Variants in ASH1L observed in about 807,000 individuals in gnomAD.
ASH1L encodes the protein ASH1 like histone lysine methyltransferase, also known as histone-lysine N-methyltransferase ASH1L.
In ASH1L, 23 loss-of-function variants were observed where a neutral mutation model predicts 269.0. That is an observed-to-expected ratio of 0.09 (90% CI 0.06 to 0.12). The LOEUF is 0.12. ASH1L is among the 10% of genes least tolerant of loss of function. ASH1L has a pLI of 1.00. For synonymous variants in ASH1L, 1,187 were observed against 1,253.5 expected (o/e 0.95, Z 1.12); for missense variants, 2,912 against 3,567.8 (o/e 0.82, Z 4.68).
At chr1:155,415,984 G>T in intron 5 of ASH1L, 61 bp from the exon 6 acceptor site, 6 of 1,286,014 alleles carry the variant, frequency 4.7e-6, no homozygotes, top group Admixed American at 2.9e-5. Context: ...ACAAATAATT[G>T]TCTACTTAAA....
At chr1:155,530,323 G>A (rs755095783) in intron 1 of ASH1L, among the ~76,000 whole-genome samples, 4 of 152,144 alleles carry the variant, frequency 2.6e-5, no homozygotes, top group Non-Finnish European at 5.9e-5. Context: ...TTGGTTCACT[G>A]CTATATCCCA....
chr1:155,534,104 G>A (rs1169778125), intron 1 of ASH1L, among the ~76,000 whole-genome samples: 1 of 150,136 alleles, frequency 6.7e-6, no homozygotes, highest in Non-Finnish European at 1.5e-5. Context: ...GAGCCCAGAA[G>A]GTCAAGGCTA....
chr1:155,369,701 A>C (rs1189963496), intron 12 of ASH1L, among the ~76,000 whole-genome samples: 1 of 152,188 alleles, frequency 6.6e-6, no homozygotes, highest in Non-Finnish European at 1.5e-5. Context: ...GAGTGGCTGA[A>C]TGAACTGATA....
intron 2 of ASH1L, among the ~76,000 whole-genome samples, chr1:155,488,485 C>T (rs1013326240): frequency 5.9e-5 from 8 of 135,936 alleles, no homozygotes; most frequent in African/African-American, 1.4e-4. Flanking sequence ...TGGTGAAACT[C>T]GCCTATACTA....
intron 25 of ASH1L, among the ~76,000 whole-genome samples, chr1:155,341,358 A>T (rs1652789387): frequency 6.6e-6 from 1 of 151,964 alleles, no homozygotes; most frequent in Non-Finnish European, 1.5e-5. Context: ...TTGTATTTTT[A>T]GTAGAGAGGG....
intron 1 of ASH1L, among the ~76,000 whole-genome samples, chr1:155,544,961 T>A (rs866276780): frequency 2.0e-5 from 3 of 150,854 alleles, no homozygotes; most frequent in Admixed American, 6.6e-5. Context: ...TCACCTGAGG[T>A]CGGGAGTTCG....
At chr1:155,351,215 A>C (rs1358773498) in intron 17 of ASH1L, among the ~76,000 whole-genome samples, 1 of 151,130 alleles carries the variant, frequency 6.6e-6, no homozygotes, top group Non-Finnish European at 1.5e-5. Flanking sequence ...ACTGCACTCC[A>C]GCCTGGGCAA....
chr1:155,496,266 T>C (rs970898063), intron 2 of ASH1L, among the ~76,000 whole-genome samples: 1 of 152,226 alleles, frequency 6.6e-6, no homozygotes, highest in African/African-American at 2.4e-5. Context: ...GTCAGGATCA[T>C]CAAGACATCA....
rs2362362 is a variant in ASH1L at position 155,459,910 on chromosome 1, G to C, written c.4985-12C>G. ...GGTTGGCTGGGAGCCTGGAGAAAGA[G>C]AAAAAGATAGAAATCATAGGAAAAT... On this transcript the variant is annotated splice_polypyrimidine_tract_variant and intron_variant, in intron 3 of 27. Coordinates refer to ENST00000392403, the MANE Select transcript of ASH1L (RefSeq NM_018489.3). 4 of 1,545,806 alleles carry C rather than the reference G, an allele frequency of 2.6e-6. No individual in the cohort carries two copies. In the East Asian group the frequency reaches 6.9e-5, roughly 27 times the overall value.
intron 13 of ASH1L, among the ~76,000 whole-genome samples, chr1:155,359,477 A>C (rs970185576): frequency 2.6e-5 from 4 of 151,938 alleles, no homozygotes; most frequent in Non-Finnish European, 5.9e-5. Context: ...GGGTTTCACT[A>C]TATTGGTCAG....
At chr1:155,500,518 G>A (rs1173196768) in intron 2 of ASH1L, among the ~76,000 whole-genome samples, 2 of 152,012 alleles carry the variant, frequency 1.3e-5, no homozygotes, top group East Asian at 3.9e-4. Context: ...AAACGCAGCA[G>A]TCAAATAATG....
At position 155,535,647 on chromosome 1, in the gene ASH1L, T is replaced by TA. The variant is rs767295479; in HGVS notation, c.-99-14030dup. The stretch of plus-strand genomic sequence containing the variant: ...GGCAACAGGGCAAGACCCCATCTCT[T>TA]AAAAAAAAAAAAAAAAAGTATAAAT... On this transcript the variant is annotated intron_variant, in intron 1 of 27. Transcript: ENST00000392403. Among the ~76,000 whole-genome samples, 1,049 of 131,518 alleles carry TA rather than the reference T, an allele frequency of 8.0e-3. 4 individuals are homozygous for TA. Among genetic ancestry groups the TA allele is most frequent in the African/African-American group, 0.017 (610 of 35,944 alleles). The allele number at this position is 131,518 out of a possible 152,430, so 86.3% of individuals were successfully genotyped here. A position where few individuals can be genotyped will look rare whatever the true frequency, so the allele number is the denominator to read the frequency against.
intron 25 of ASH1L, among the ~76,000 whole-genome samples, chr1:155,340,330 A>C (rs1431977321): frequency 1.3e-5 from 2 of 151,978 alleles, no homozygotes; most frequent in Non-Finnish European, 2.9e-5. Flanking sequence ...TTACAGGTGC[A>C]TGCCACCATG....
In ASH1L at chr1:155,478,684, T is replaced by A. The variant is rs532774270; in HGVS notation, c.4186A>T (p.Ile1396Leu). ...TACCTTCCATAGTAACCTAATCCTA[T>A]GGGAGCAGCTGTAAGGGGTGAAGGA... ...YSPSPLTAAP[I>L]GLGYYGRYPP... Residue 1396 changes from isoleucine to leucine, a missense_variant, in exon 3 of 28, where the codon ATA (isoleucine) becomes TTA (leucine). Ile to Leu is a conservative substitution (Grantham distance 5). Around this residue, in one of 13 missense-constraint regions of ASH1L, gnomAD observed 789 missense variants for 897.6 expected, o/e 0.88. Transcript: ENST00000392403. This position sits in a 1 kb window ranked among gnomAD's most constrained non-coding sequence, Gnocchi z 4.6. 3.1e-6 allele frequency: 5 copies of A among 1,613,964 alleles called. No homozygotes were observed. The South Asian group carries it at 5.5e-5, about 18-fold the overall frequency.
chr1:155,345,725 C>T (rs1277260258), intron 21 of ASH1L, among the ~76,000 whole-genome samples: 1 of 151,238 alleles, frequency 6.6e-6, no homozygotes, highest in Non-Finnish European at 1.5e-5. Flanking sequence ...CAGGCACCTG[C>T]CACTGTGCCT....
At chr1:155,551,558 G>A (rs1415902004) in intron 1 of ASH1L, among the ~76,000 whole-genome samples, 2 of 149,222 alleles carry the variant, frequency 1.3e-5, no homozygotes, top group Non-Finnish European at 1.5e-5. Context: ...TACTTGGGAG[G>A]CTGAGGCAGG....
At chr1:155,508,556 T>C (rs1667964487) in intron 2 of ASH1L, among the ~76,000 whole-genome samples, 1 of 152,122 alleles carries the variant, frequency 6.6e-6, no homozygotes, top group Admixed American at 6.6e-5. Flanking sequence ...CAAGAATCAC[T>C]TGAACCCCAG....
At chr1:155,553,743 G>A (rs1041224657) in intron 1 of ASH1L, among the ~76,000 whole-genome samples, 8 of 151,670 alleles carry the variant, frequency 5.3e-5, no homozygotes, top group African/African-American at 1.7e-4. Context: ...GTTAACATAG[G>A]CAAATGTATT....
rs765335742 is a variant in ASH1L at position 155,459,930 on chromosome 1, G to A, written c.4985-32C>T. On this transcript the variant is annotated intron_variant, in intron 3 of 27. Transcript: ENST00000392403. ...AAAGAGAAAAAGATAGAAATCATAG[G>A]AAAATTCAACTTTAAAAATAATGTG... 5.3e-6 allele frequency: 8 copies of A among 1,512,880 alleles called. No homozygotes were observed. In the South Asian group the frequency reaches 8.6e-5, roughly 16 times the overall value. 93.7% of individuals were successfully genotyped at this position (1,512,880 alleles called of 1,614,324 possible).
Sources: gnomAD v4.1 joint callset for allele counts (sites outside exome capture counted in the v4.1 genomes callset) on GRCh38, gnomAD v4.1.1 for gene constraint, gnomAD v4.1.1 regional missense constraint, Gnocchi (gnomAD v3.1) non-coding constraint, MANE v1.5 for transcripts, NCBI Gene and HGNC (gene_info 2026-07-23, HGNC 2026-07-21) for gene names.